UBR1: variants seen among roughly 807,000 people sequenced by gnomAD.
UBR1 encodes E3 ubiquitin-protein ligase UBR1.
In UBR1, 102 loss-of-function variants were observed where a neutral mutation model predicts 242.1. That is an observed-to-expected ratio of 0.42 (90% CI 0.36 to 0.50). The LOEUF is 0.50. Among genes scored for constraint, UBR1 ranks in the 20% least tolerant of loss-of-function variants. The pLI, the probability that UBR1 is intolerant of heterozygous loss-of-function variation, is 0.01. For synonymous variants in UBR1, 675 were observed against 684.8 expected, an observed-to-expected ratio of 0.99 and a Z score of 0.22; for missense variants, 1,772 against 2,101.8, an observed-to-expected ratio of 0.84 and a Z score of 3.07.
chr15:43,073,897 A>C (rs1357060649), intron 4 of UBR1, among the ~76,000 whole-genome samples: 1 of 152,226 alleles, frequency 6.6e-6, no homozygotes, highest in Non-Finnish European at 1.5e-5. Flanking sequence ...TAAAAGATCA[A>C]CATATGTGCC....
chr15:42,963,665 A>AC (rs1224545206), intron 42 of UBR1, among the ~76,000 whole-genome samples: 1 of 78,230 alleles, frequency 1.3e-5, no homozygotes, highest in East Asian at 4.7e-4. Context: ...CAAAATCCCC[A>AC]CCCCCCACCC....
chr15:43,078,041 G>A (rs897549166), intron 3 of UBR1, among the ~76,000 whole-genome samples: 1 of 152,204 alleles, frequency 6.6e-6, no homozygotes, highest in South Asian at 2.1e-4. Flanking sequence ...AAGCCTGTGG[G>A]TGCAGATAGC....
intron 15 of UBR1, among the ~76,000 whole-genome samples, chr15:43,041,311 G>C (rs562491458): frequency 6.6e-6 from 1 of 152,292 alleles, no homozygotes; most frequent in Admixed American, 6.5e-5. Context: ...AATGAAGCTG[G>C]AAACCATCAT....
At chr15:43,051,146 A>G (rs1212384511) in intron 12 of UBR1, among the ~76,000 whole-genome samples, 7 of 152,370 alleles carry the variant, frequency 4.6e-5, no homozygotes, top group Admixed American at 4.6e-4. Context: ...TGCAGCATTC[A>G]CAATAGCAAA....
chr15:43,028,777 A>C lies in UBR1; in HGVS notation c.2380-949T>G, dbSNP rs540225986. Among the ~76,000 whole-genome samples the C allele has an allele frequency of 1.8e-3, 277 of 150,564 alleles. 2 individuals carry two copies. Among genetic ancestry groups the C allele is most frequent in the Middle Eastern group, 6.8e-3 (2 of 294 alleles). ...AAAAAAAACAAACAAACAACAACAA[A>C]AAAATATATATATATATATTCCTTG... is the stretch of plus-strand genomic sequence containing the variant. On this transcript the variant is annotated intron_variant, in intron 21 of 46. Coordinates refer to ENST00000290650, the MANE Select transcript of UBR1 (RefSeq NM_174916.3).
chr15:43,025,171 C>A (rs1257121988), intron 24 of UBR1, among the ~76,000 whole-genome samples, 188 bp from the exon 25 acceptor site: 5 of 152,070 alleles, frequency 3.3e-5, no homozygotes, highest in African/African-American at 1.2e-4. Context: ...TATCAGTCAC[C>A]CAAAATGAAC....
intron 15 of UBR1, 149 bp from the exon 16 acceptor site, chr15:43,038,381 G>A: frequency 1.4e-6 from 1 of 703,638 alleles, no homozygotes; most frequent in Non-Finnish European, 2.5e-6. Context: ...GGCCTAGGTG[G>A]GTGGATCATC....
intron 1 of UBR1, among the ~76,000 whole-genome samples, chr15:43,087,557 C>T (rs778387887): frequency 6.6e-6 from 1 of 151,974 alleles, no homozygotes; most frequent in Non-Finnish European, 1.5e-5. Flanking sequence ...TAAATTCAAC[C>T]TCAATATTCC....
chr15:42,950,397 G>A, intron 45 of UBR1, 34 bp from the exon 46 acceptor site: 2 of 1,584,586 alleles, frequency 1.3e-6, no homozygotes. Flanking sequence ...ATATGGTTAA[G>A]TGTATGTGTG....
Position 43,006,838 on chromosome 15 carries a change from G to C in UBR1, c.3415+241C>G, listed in dbSNP as rs189130046. Among the ~76,000 whole-genome samples, 9 of 152,090 alleles carry C rather than the reference G, an allele frequency of 5.9e-5. No individual in the cohort carries two copies. In the East Asian group the frequency reaches 1.5e-3, roughly 26 times the overall value. ...AAAGGAAATATAGCCAAAGCAACAC[G>C]TGTTTGTTTGGATCCTAAGTGAAAA... On this transcript the variant is annotated intron_variant, in intron 30 of 46. Coordinates refer to ENST00000290650, the MANE Select transcript of UBR1 (RefSeq NM_174916.3).
At chr15:43,059,258 T>C in intron 8 of UBR1, 66 bp from the exon 9 acceptor site, 2 of 1,416,790 alleles carry the variant, frequency 1.4e-6, no homozygotes, top group Non-Finnish European at 2.0e-6. Context: ...TAGAGATGAG[T>C]CTCACTCTGT....
chr15:43,088,584 T>C (rs1387186896), intron 1 of UBR1, among the ~76,000 whole-genome samples: 3 of 151,936 alleles, frequency 2.0e-5, no homozygotes, highest in Admixed American at 1.3e-4. Context: ...TAACCTCTAC[T>C]TCCTGGGTTC....
At chr15:43,006,182 T>C (rs1482693952) in intron 30 of UBR1, among the ~76,000 whole-genome samples, 2 of 151,160 alleles carry the variant, frequency 1.3e-5, no homozygotes, top group Non-Finnish European at 2.9e-5. Flanking sequence ...CTCATGGCCA[T>C]GGGTAAGTTA....
At chr15:43,089,909 A>G (rs2034087840) in intron 1 of UBR1, among the ~76,000 whole-genome samples, 1 of 152,252 alleles carries the variant, frequency 6.6e-6, no homozygotes, top group South Asian at 2.1e-4. Context: ...TGGAGACGAG[A>G]GAGATAACTA....
At chr15:43,103,649 G>C (rs16957431) in intron 1 of UBR1, among the ~76,000 whole-genome samples, 1 of 152,116 alleles carries the variant, frequency 6.6e-6, no homozygotes, top group Admixed American at 6.6e-5. Flanking sequence ...CAGCCTTCAC[G>C]CTTACTAATA....
chr15:43,086,355 C>A, intron 1 of UBR1, 115 bp from the exon 2 acceptor site: 1 of 1,267,230 alleles, frequency 7.9e-7, no homozygotes, highest in South Asian at 1.5e-5. Context: ...TATATTTCAT[C>A]TTTCACCAAT....
intron 40 of UBR1, among the ~76,000 whole-genome samples, chr15:42,968,629 G>A (rs921531408): frequency 1.3e-5 from 2 of 151,994 alleles, no homozygotes; most frequent in South Asian, 2.1e-4. Context: ...CCAGCAACCC[G>A]TCATCTACAT....
chr15:43,014,115 C>T lies in UBR1; in HGVS notation c.3209+1573G>A, dbSNP rs963115312. Reference sequence around the variant, plus strand: ...GCCGGGCTGGTCTCCAGCTCCTAACCGCGAGTGATCCGCCAGCCTCGGCCT... The same window carrying T: ...GCCGGGCTGGTCTCCAGCTCCTAACTGCGAGTGATCCGCCAGCCTCGGCCT... On this transcript the variant is annotated intron_variant, in intron 29 of 46. Coordinates refer to ENST00000290650, the MANE Select transcript of UBR1 (RefSeq NM_174916.3). 3.3e-5 allele frequency among the ~76,000 whole-genome samples: 5 copies of T among 152,382 alleles called. No individual in the cohort carries two copies. In the East Asian group the frequency reaches 5.8e-4, roughly 18 times the overall value.
intron 37 of UBR1, among the ~76,000 whole-genome samples, chr15:42,982,245 T>C (rs1474299503): frequency 2.0e-5 from 3 of 152,194 alleles, no homozygotes; most frequent in Non-Finnish European, 4.4e-5. Flanking sequence ...TTGGAAGAAT[T>C]AGTAAATATC....
Sources: allele counts gnomAD v4.1 joint callset (sites outside exome capture counted in the v4.1 genomes callset), GRCh38; gene constraint gnomAD v4.1.1; transcripts MANE v1.5; gene names NCBI Gene and HGNC (gene_info 2026-07-23, HGNC 2026-07-21).